PTGFR: variants seen among roughly 807,000 people sequenced by gnomAD.
The protein encoded by PTGFR is prostaglandin F receptor.
Under a neutral mutation model 26.2 loss-of-function variants are expected in PTGFR, and 15 were observed. The observed-to-expected ratio is 0.57, with a 90% CI of 0.38 to 0.88. PTGFR has a LOEUF of 0.88. Ranked by LOEUF, PTGFR falls within the 40% of genes least tolerant of loss-of-function variation. PTGFR has a pLI of 0.00. For synonymous variants in PTGFR, 165 were observed against 151.1 expected, an observed-to-expected ratio of 1.09 and a Z score of -0.68; for missense variants, 369 against 427.2, an observed-to-expected ratio of 0.86 and a Z score of 1.20.
intron 2 of PTGFR, among the ~76,000 whole-genome samples, chr1:78,512,277 G>C (rs1575397): frequency 0.082 from 12,441 of 152,074 alleles, 845 homozygotes; most frequent in African/African-American, 0.19. Flanking sequence ...TTCAATGTTA[G>C]TTCATTTTTT....
intron 2 of PTGFR, among the ~76,000 whole-genome samples, chr1:78,524,117 A>T (rs1221112138): frequency 2.0e-5 from 3 of 152,050 alleles, no homozygotes; most frequent in African/African-American, 7.2e-5. Flanking sequence ...GAGTATATTC[A>T]TTAGCTCATT....
At chr1:78,529,939 C>T (rs1218476656) in intron 2 of PTGFR, among the ~76,000 whole-genome samples, 1 of 152,080 alleles carries the variant, frequency 6.6e-6, no homozygotes, top group African/African-American at 2.4e-5. Context: ...GAATCTAATG[C>T]GTGATGATCT....
intron 2 of PTGFR, among the ~76,000 whole-genome samples, chr1:78,532,006 T>A (rs1273133988): frequency 1.3e-5 from 2 of 151,964 alleles, no homozygotes; most frequent in Admixed American, 6.6e-5. Context: ...TACAGAGAGA[T>A]CAAGAAAGGT....
intron 2 of PTGFR, among the ~76,000 whole-genome samples, chr1:78,515,805 CAT>C (rs1212958595): frequency 1.1e-4 from 17 of 152,118 alleles, no homozygotes. Context: ...GAGTGAATGT[CAT>C]ATGTTTCTAC....
intron 2 of PTGFR, among the ~76,000 whole-genome samples, chr1:78,524,906 A>AGTTT (rs1650332226): frequency 1.4e-5 from 1 of 70,484 alleles, no homozygotes; most frequent in Admixed American, 2.2e-4. Flanking sequence ...CAAATGCAAG[A>AGTTT]TTTTTTTTTT....
intron 2 of PTGFR, among the ~76,000 whole-genome samples, chr1:78,495,189 T>C (rs1649516676): frequency 6.6e-6 from 1 of 152,206 alleles, no homozygotes; most frequent in South Asian, 2.1e-4. Flanking sequence ...AAGTCAACCT[T>C]TGGAGACCTG....
chr1:78,505,614 G>A (rs972975971), intron 2 of PTGFR, among the ~76,000 whole-genome samples: 1 of 152,092 alleles, frequency 6.6e-6, no homozygotes, highest in African/African-American at 2.4e-5. Context: ...CATTCACAAT[G>A]TTGTGCAGCT....
chr1:78,522,479 G>C (rs1650267462), intron 2 of PTGFR, among the ~76,000 whole-genome samples: 2 of 152,004 alleles, frequency 1.3e-5, no homozygotes, highest in African/African-American at 4.8e-5. Flanking sequence ...TACATACCCA[G>C]CTTTTGTTAT....
At chr1:78,500,816 G>A (rs1216434320) in intron 2 of PTGFR, among the ~76,000 whole-genome samples, 3 of 152,138 alleles carry the variant, frequency 2.0e-5, no homozygotes, top group Non-Finnish European at 2.9e-5. Context: ...ATATGGAATT[G>A]AGCTCATTTA....
intron 2 of PTGFR, among the ~76,000 whole-genome samples, chr1:78,520,734 A>G (rs1209420719): frequency 6.6e-6 from 1 of 152,108 alleles, no homozygotes; most frequent in Non-Finnish European, 1.5e-5. Flanking sequence ...TGTGTTATAA[A>G]GTAAAAATAA....
At chr1:78,513,376 A>C (rs897293841) in intron 2 of PTGFR, among the ~76,000 whole-genome samples, 1 of 152,202 alleles carries the variant, frequency 6.6e-6, no homozygotes, top group Admixed American at 6.5e-5. Context: ...CCATGTTATG[A>C]CCTAGCAAAT....
intron 2 of PTGFR, among the ~76,000 whole-genome samples, chr1:78,498,750 T>C (rs1003201368): frequency 3.3e-5 from 5 of 152,184 alleles, no homozygotes; most frequent in African/African-American, 4.8e-5. Flanking sequence ...TCTATAGTCT[T>C]ATATTAGATC....
rs1650702776 is a variant in PTGFR at position 78,538,104 on chromosome 1, G to A, written c.*1417G>A. On this transcript the variant is annotated 3_prime_UTR_variant, in exon 3 of 3. Coordinates refer to ENST00000370757, the MANE Select transcript of PTGFR (RefSeq NM_000959.4). The stretch of plus-strand genomic sequence containing the variant: ...AAGTAACCAGAAGACCTTTCAGATG[G>A]TTTATTTGCTTTCAGCAGAGAATTT... 6.6e-6 allele frequency: 1 copy of A among 152,056 alleles called. No homozygotes were observed. The highest frequency in any genetic ancestry group is 1.9e-4 in the East Asian group (1 of 5,186). 9.4% of individuals were successfully genotyped at this position (152,056 alleles called of 1,614,324 possible).
intron 2 of PTGFR, among the ~76,000 whole-genome samples, chr1:78,535,225 G>T (rs570064822): frequency 2.0e-5 from 3 of 152,238 alleles, no homozygotes; most frequent in African/African-American, 7.2e-5. Context: ...GCTCAGGAGG[G>T]CATGGTGCAT....
At chr1:78,501,992 G>A (rs750011258) in intron 2 of PTGFR, among the ~76,000 whole-genome samples, 5 of 152,080 alleles carry the variant, frequency 3.3e-5, no homozygotes, top group African/African-American at 4.8e-5. Flanking sequence ...AATCATCTAC[G>A]TTTAGTTCAG....
Position 78,492,669 on chromosome 1 carries a change from C to G in PTGFR, c.-72-3C>G. 1.5e-6 allele frequency: 2 copies of G among 1,375,530 alleles called. No homozygotes were observed. Among genetic ancestry groups the G allele is most frequent in the East Asian group, 4.6e-5 (2 of 43,576 alleles). 85.2% of individuals were successfully genotyped at this position (1,375,530 alleles called of 1,614,324 possible). On this transcript the variant is annotated splice_region_variant and splice_polypyrimidine_tract_variant and intron_variant, in intron 1 of 2. Transcript: ENST00000370757. ...TCATAATTCCTCTCCCTTTATCCTA[C>G]AGATGTCTGGACTGCAATCCTGCAC...
At chr1:78,502,496 AAAT>A (rs1303470333) in intron 2 of PTGFR, among the ~76,000 whole-genome samples, 2 of 152,180 alleles carry the variant, frequency 1.3e-5, no homozygotes, top group Non-Finnish European at 2.9e-5. Flanking sequence ...TGTGAGAATT[AAAT>A]AATGTTTGTA....
chr1:78,507,212 C>T (rs934168432), intron 2 of PTGFR, among the ~76,000 whole-genome samples: 16 of 152,114 alleles, frequency 1.1e-4, no homozygotes, highest in African/African-American at 3.4e-4. Flanking sequence ...CTACTCTGCA[C>T]GGCACAGACT....
At position 78,536,430 on chromosome 1, in the gene PTGFR, A is replaced by C. The variant is rs200437057; in HGVS notation, c.823A>C (p.Asn275His). Residue 275 changes from asparagine (N) to histidine (H), a missense_variant, in exon 3 of 3, where the codon AAT (asparagine) becomes CAT (histidine). Asn to His is a moderately conservative substitution (Grantham distance 68). Transcript: ENST00000370757. Reference protein sequence around the residue: ...FLVTMANIGINGNHSLETCET... With the variant: ...FLVTMANIGIHGNHSLETCET... ...GGTTACAATGGCCAACATTGGAATA[A>C]ATGGAAATCATTCTCTGGAAACCTG... is the stretch of plus-strand genomic sequence containing the variant. 7 of 1,612,198 alleles carry C rather than the reference A, an allele frequency of 4.3e-6. No homozygotes were observed. In the African/African-American group the frequency reaches 8.0e-5, roughly 18 times the overall value.
Sources: gnomAD v4.1 joint callset for allele counts (sites outside exome capture counted in the v4.1 genomes callset) on GRCh38, gnomAD v4.1.1 for gene constraint, MANE v1.5 for transcripts, NCBI Gene and HGNC (gene_info 2026-07-23, HGNC 2026-07-21) for gene names.